Variants in PCDHA3 observed in about 807,000 individuals in gnomAD.
PCDHA3 encodes the protein protocadherin alpha-3.
A neutral mutation model predicts 62.2 loss-of-function variants in PCDHA3; 41 were observed. That is an observed-to-expected ratio of 0.66 (90% CI 0.51 to 0.86). The LOEUF (loss-of-function observed/expected upper bound fraction) is 0.86, where lower values mean the gene tolerates loss of function less well. Among genes scored for constraint, PCDHA3 ranks in the 40% least tolerant of loss-of-function variants. PCDHA3 has a pLI of 0.00. For missense variants in PCDHA3, 1,304 were observed against 1,241.2 expected, an observed-to-expected ratio of 1.05 and a Z score of -0.76; for synonymous variants, 640 against 555.4, an observed-to-expected ratio of 1.15 and a Z score of -2.14.
intron 1 of PCDHA3, among the ~76,000 whole-genome samples, chr5:140,907,506 A>G (rs1418997042): frequency 2.6e-5 from 4 of 152,234 alleles, no homozygotes; most frequent in Non-Finnish European, 5.9e-5. Flanking sequence ...GTAAGTGTCT[A>G]TTCCAGTGAG....
intron 1 of PCDHA3, among the ~76,000 whole-genome samples, chr5:140,940,983 C>T (rs572659107): frequency 6.6e-6 from 1 of 152,176 alleles, no homozygotes; most frequent in Non-Finnish European, 1.5e-5. Context: ...TATCTAGTTA[C>T]AAGTTTATAG....
At chr5:140,849,842 C>A (rs2150452935) in intron 1 of PCDHA3, 1 of 1,598,534 alleles carries the variant, frequency 6.3e-7, no homozygotes, top group Non-Finnish European at 8.6e-7. Context: ...CCGACGTGAA[C>A]GACAACGCAC....
chr5:140,856,012 G>T, intron 1 of PCDHA3: 1 of 1,547,012 alleles, frequency 6.5e-7, no homozygotes, highest in Non-Finnish European at 8.8e-7. Context: ...GTTCTAGACC[G>T]CTGATTCGTC....
At position 140,869,428 on chromosome 5, in the gene PCDHA3, A is replaced by G. The variant is rs781860422; in HGVS notation, c.2394+65837A>G. The G allele has an allele frequency of 9.3e-6, 15 of 1,614,214 alleles. No individual in the cohort carries two copies. In the South Asian group the frequency reaches 1.6e-4, roughly 18 times the overall value. On this transcript the variant is annotated intron_variant, in intron 1 of 3. Transcript: ENST00000522353. The stretch of plus-strand genomic sequence containing the variant: ...GGAGTGCAGCATCCACCTGGAGGTG[A>G]TCGTGGACAGGCCGCTGCAGGTTTT...
chr5:140,885,592 G>A (rs1428219345), intron 1 of PCDHA3, among the ~76,000 whole-genome samples: 1 of 152,102 alleles, frequency 6.6e-6, no homozygotes, highest in Non-Finnish European at 1.5e-5. Context: ...ATGCATCAAA[G>A]ATATTAATAA....
rs1413147037 is a variant in PCDHA3, at chr5:140,802,574, G to A, written c.1377G>A (p.Glu459=). The change falls in exon 1 of 4, where the codon GAG becomes GAA. Residue 459 remains glutamate (E), a synonymous_variant. Coordinates refer to ENST00000522353, the MANE Select transcript of PCDHA3 (RefSeq NM_018906.3). ...ATGCGCCGGCATTCTCGCAGTCCGA[G>A]TACACGGTGTTCGTGAAGGAGAACA... ...NDNAPAFSQS[E]YTVFVKENNP... The A allele has an allele frequency of 4.3e-6, 7 of 1,614,056 alleles. No individual in the cohort carries two copies. The highest frequency in any genetic ancestry group is 5.9e-6 in the Non-Finnish European group (7 of 1,180,044).
chr5:140,849,956 C>G (rs2150460065), intron 1 of PCDHA3: 1 of 1,597,918 alleles, frequency 6.3e-7, no homozygotes, highest in South Asian at 1.1e-5. Context: ...CGCAGGAGAA[C>G]GCCCTGGTGT....
intron 1 of PCDHA3, among the ~76,000 whole-genome samples, chr5:140,926,178 GC>G (rs1221259064): frequency 6.6e-6 from 1 of 151,700 alleles, no homozygotes; most frequent in South Asian, 2.2e-4. Flanking sequence ...AGCGCGGAAA[GC>G]CCCCCGCAGC....
chr5:140,859,869 C>T (rs2046062813), intron 1 of PCDHA3: 1 of 151,680 alleles, frequency 6.6e-6, no homozygotes, highest in South Asian at 2.1e-4. Flanking sequence ...TATATACTTC[C>T]CCCTCTGATA....
chr5:140,938,215 G>C (rs1270663444), intron 1 of PCDHA3, among the ~76,000 whole-genome samples: 3 of 152,100 alleles, frequency 2.0e-5, no homozygotes, highest in Non-Finnish European at 4.4e-5. Context: ...CAAAGTGCTG[G>C]GATTACAGGC....
chr5:140,921,124 G>A (rs1017756296), intron 1 of PCDHA3, among the ~76,000 whole-genome samples: 1 of 146,978 alleles, frequency 6.8e-6, no homozygotes, highest in Non-Finnish European at 1.5e-5. Flanking sequence ...AGGACTACAG[G>A]TGCACACCAC....
At chr5:141,006,372 C>T (rs781874533) in intron 3 of PCDHA3, among the ~76,000 whole-genome samples, 10 of 151,926 alleles carry the variant, frequency 6.6e-5, no homozygotes, top group Non-Finnish European at 1.0e-4. Context: ...CCACCACGCC[C>T]GGCTAAGTTT....
intron 1 of PCDHA3, chr5:140,870,703 G>A (rs899824906): frequency 1.2e-6 from 2 of 1,612,916 alleles, no homozygotes; most frequent in East Asian, 2.2e-5. Context: ...ACAGTTCCAG[G>A]TGAGCGCGCG....
At chr5:140,834,438 A>G (rs2150217991) in intron 1 of PCDHA3, 1 of 1,606,228 alleles carries the variant, frequency 6.2e-7, no homozygotes, top group South Asian at 1.1e-5. Flanking sequence ...GCTGTTTATT[A>G]TAATTCTAGC....
chr5:140,821,549 A>T (rs1212001307), intron 1 of PCDHA3: 2 of 502,492 alleles, frequency 4.0e-6, no homozygotes, highest in African/African-American at 3.9e-5. Flanking sequence ...CCTTTCATCC[A>T]CATGATGTCG....
chr5:140,853,632 CA>C, intron 1 of PCDHA3: 1 of 988,598 alleles, frequency 1.0e-6, no homozygotes, highest in South Asian at 4.7e-5. Flanking sequence ...TACAAGATCA[CA>C]GACCTAAATT....
At chr5:140,941,255 C>CTTTCTT (rs782490896) in intron 1 of PCDHA3, among the ~76,000 whole-genome samples, 957 of 44,428 alleles carry the variant, frequency 0.022, 12 homozygotes, top group African/African-American at 0.028. Flanking sequence ...TTCTTTCTTT[C>CTTTCTT]TCTTTCTTTC....
Position 141,009,608 on chromosome 5 carries a change from G to A in PCDHA3, c.2543-19G>A, listed in dbSNP as rs1350951999. ...CATGTGTTGACCCTGTTAATGATTTGTAATGTTTTGTCTTTCAGAACCAGA... is the reference window on the plus strand; with the variant it reads ...CATGTGTTGACCCTGTTAATGATTTATAATGTTTTGTCTTTCAGAACCAGA... On this transcript the variant is annotated intron_variant, in intron 3 of 3. Coordinates refer to ENST00000522353, the MANE Select transcript of PCDHA3 (RefSeq NM_018906.3). The A allele has an allele frequency of 2.5e-6, 4 of 1,610,656 alleles. No individual in the cohort carries two copies. The highest frequency in any genetic ancestry group is 3.4e-6 in the Non-Finnish European group (4 of 1,177,936).
At chr5:140,963,957 A>T (rs1585999636) in intron 1 of PCDHA3, among the ~76,000 whole-genome samples, 1 of 152,230 alleles carries the variant, frequency 6.6e-6, no homozygotes. Flanking sequence ...CACTGGCAGG[A>T]GTGTGACTGA....
Sources: allele counts gnomAD v4.1 joint callset (sites outside exome capture counted in the v4.1 genomes callset), GRCh38; gene constraint gnomAD v4.1.1; transcripts MANE v1.5; gene names NCBI Gene and HGNC (gene_info 2026-07-23, HGNC 2026-07-21).